The following DOCK4 variants were observed in gnomAD, a reference collection of about 807,000 sequenced individuals.
DOCK4 encodes the protein dedicator of cytokinesis protein 4.
DOCK4 carries 97 observed loss-of-function variants against 268.1 expected under a neutral mutation model. The ratio of observed to expected loss-of-function variants is 0.36; its 90% CI spans 0.31 to 0.43. The LOEUF (loss-of-function observed/expected upper bound fraction) is 0.43. Among genes scored for constraint, DOCK4 ranks in the 20% least tolerant of loss-of-function variants. The pLI is 1.00. For synonymous variants in DOCK4, 954 were observed against 887.2 expected (o/e 1.08, Z -1.34); for missense variants, 2,145 against 2,455.7 (o/e 0.87, Z 2.67).
intron 1 of DOCK4, among the ~76,000 whole-genome samples, chr7:112,068,378 T>A (rs111251654): frequency 7.2e-5 from 11 of 152,306 alleles, no homozygotes; most frequent in African/African-American, 2.4e-4. Flanking sequence ...CATAGTACTA[T>A]GATTAAGAGC....
At chr7:111,838,868 C>CA (rs1214732010) in intron 25 of DOCK4, among the ~76,000 whole-genome samples, 1 of 152,072 alleles carries the variant, frequency 6.6e-6, no homozygotes, top group Non-Finnish European at 1.5e-5. Flanking sequence ...TATTTTATGT[C>CA]AATTATACCT....
chr7:111,786,485 G>A (rs1243419640), intron 32 of DOCK4, among the ~76,000 whole-genome samples: 1 of 152,180 alleles, frequency 6.6e-6, no homozygotes, highest in African/African-American at 2.4e-5. Flanking sequence ...TATGAAATAA[G>A]TTTCACAAAG....
At chr7:111,768,883 CA>C (rs1407038706) in intron 37 of DOCK4, among the ~76,000 whole-genome samples, 1 of 152,144 alleles carries the variant, frequency 6.6e-6, no homozygotes, top group Admixed American at 6.5e-5. Flanking sequence ...CTGACAAATT[CA>C]TATGTTGAAA....
chr7:111,757,314 A>G (rs1417526750), intron 41 of DOCK4, among the ~76,000 whole-genome samples: 3 of 152,126 alleles, frequency 2.0e-5, no homozygotes, highest in African/African-American at 7.2e-5. Context: ...ACGGTGGAAA[A>G]AACAATGGAG....
At chr7:112,158,365 AAGTAGGAATATAGACACAAC>A in intron 1 of DOCK4, among the ~76,000 whole-genome samples, 1 of 152,346 alleles carries the variant, frequency 6.6e-6, no homozygotes, top group East Asian at 1.9e-4. Context: ...TGAACAAATG[AAGTAGGAATATAGACACAAC>A]AGTAAATTTA....
At chr7:112,097,065 C>A (rs1179083213) in intron 1 of DOCK4, among the ~76,000 whole-genome samples, 7 of 152,168 alleles carry the variant, frequency 4.6e-5, no homozygotes, top group African/African-American at 1.7e-4. Context: ...AAAAAGCCAA[C>A]TATCAGTTCA....
At position 111,741,225 on chromosome 7, in the gene DOCK4, G is replaced by C. The variant is rs774153026; in HGVS notation, c.4920-11C>G. ...GGGTAACTTAACGGGCTGTTTCAGGGGGAAAAAAAAGGTCATTAACTCAGT... is the reference window on the plus strand; with the variant it reads ...GGGTAACTTAACGGGCTGTTTCAGGCGGAAAAAAAAGGTCATTAACTCAGT... On this transcript the variant is annotated splice_polypyrimidine_tract_variant and intron_variant, in intron 46 of 52. Coordinates refer to ENST00000428084, the MANE Select transcript of DOCK4 (RefSeq NM_001363540.2). 3.7e-6 allele frequency: 6 copies of C among 1,609,184 alleles called. No individual in the cohort carries two copies. Among genetic ancestry groups the C allele is most frequent in the Non-Finnish European group, 5.1e-6 (6 of 1,178,632 alleles).
intron 8 of DOCK4, among the ~76,000 whole-genome samples, chr7:111,965,089 C>T (rs1242638896): frequency 9.8e-5 from 9 of 92,062 alleles, no homozygotes; most frequent in South Asian, 3.7e-4. Context: ...CGGTACCAGC[C>T]GCTGCAAAAT....
At position 112,065,286 on chromosome 7, in the gene DOCK4, A is replaced by G. The variant is rs534744072; in HGVS notation, c.38-61155T>C. Among the ~76,000 whole-genome samples the G allele has an allele frequency of 2.0e-5, 3 of 151,994 alleles. No individual in the cohort carries two copies. The South Asian group carries it at 6.2e-4, about 32-fold the overall frequency. On this transcript the variant is annotated intron_variant, in intron 1 of 52. Coordinates refer to ENST00000428084, the MANE Select transcript of DOCK4 (RefSeq NM_001363540.2). ...AGCATGGCTTGGAGTGCCATTTCTC[A>G]GCTGGAAGCCTCTTTTCCACACTTC... is the stretch of plus-strand genomic sequence containing the variant.
intron 13 of DOCK4, among the ~76,000 whole-genome samples, chr7:111,904,580 G>A (rs926462184): frequency 2.0e-5 from 3 of 152,118 alleles, no homozygotes; most frequent in Non-Finnish European, 4.4e-5. Context: ...CCCAAGGCCT[G>A]TTTAGCTCAT....
chr7:112,066,672 TATACATATATACATATAC>T (rs71150005), intron 1 of DOCK4, among the ~76,000 whole-genome samples: 521 of 28,486 alleles, frequency 0.018, 41 homozygotes, highest in African/African-American at 0.083. Flanking sequence ...TACATATACA[TATACATATATACATATAC>T]ATATATATAT....
rs1360069823 is a variant in DOCK4 at position 111,839,846 on chromosome 7, A to T, written c.2736+4917T>A. Among the ~76,000 whole-genome samples the T allele has an allele frequency of 3.9e-5, 6 of 152,208 alleles. No individual in the cohort carries two copies. The East Asian group carries it at 1.2e-3, about 29-fold the overall frequency. On this transcript the variant is annotated intron_variant, in intron 25 of 52. Transcript: ENST00000428084. ...AATTTTTTAAATTTTTTATTTCCAT[A>T]GGTTTTTGGGGAAACAGGTGGTATT...
At chr7:112,095,459 A>C (rs1047205861) in intron 1 of DOCK4, among the ~76,000 whole-genome samples, 4 of 152,220 alleles carry the variant, frequency 2.6e-5, no homozygotes, top group Non-Finnish European at 5.9e-5. Flanking sequence ...ATATGTAACT[A>C]AGTGACCCAT....
At chr7:111,732,557 TC>T in intron 51 of DOCK4, 1 of 475,032 alleles carries the variant, frequency 2.1e-6, no homozygotes, top group Non-Finnish European at 3.8e-6. Context: ...CCCAAACTGA[TC>T]CAATGTCCTT....
At chr7:111,829,839 AT>A (rs1164493326) in intron 26 of DOCK4, among the ~76,000 whole-genome samples, 1 of 152,202 alleles carries the variant, frequency 6.6e-6, no homozygotes, top group Non-Finnish European at 1.5e-5. Context: ...TTTTGCCCTT[AT>A]AATCCACTTG....
At chr7:111,983,852 G>GCACACACACACA (rs1271174357) in intron 7 of DOCK4, among the ~76,000 whole-genome samples, 2 of 79,596 alleles carry the variant, frequency 2.5e-5, no homozygotes. Flanking sequence ...ACACGCGCGC[G>GCACACACACACA]CGCGCGCGCG....
At chr7:111,997,755 A>C (rs777794001) in intron 4 of DOCK4, among the ~76,000 whole-genome samples, 13 of 152,214 alleles carry the variant, frequency 8.5e-5, no homozygotes, top group Non-Finnish European at 1.5e-4. Context: ...CACTGACACC[A>C]AATGTTTGTG....
intron 1 of DOCK4, among the ~76,000 whole-genome samples, chr7:112,034,359 C>T (rs111342706): frequency 1.5e-3 from 235 of 152,290 alleles, no homozygotes; most frequent in African/African-American, 5.2e-3. Flanking sequence ...GAATCTGGCC[C>T]GTGTCCTCTG....
At chr7:112,174,252 T>C (rs542705454) in intron 1 of DOCK4, among the ~76,000 whole-genome samples, 2 of 152,264 alleles carry the variant, frequency 1.3e-5, no homozygotes, top group Admixed American at 1.3e-4. Context: ...TCATTCTCTC[T>C]CACACACACA....
Sources: allele counts gnomAD v4.1 joint callset (sites outside exome capture counted in the v4.1 genomes callset), GRCh38; gene constraint gnomAD v4.1.1; transcripts MANE v1.5; gene names NCBI Gene and HGNC (gene_info 2026-07-23, HGNC 2026-07-21).